GOLGA3: variants seen among roughly 807,000 people sequenced by gnomAD.
GOLGA3 encodes the protein golgin subfamily A member 3.
A neutral mutation model predicts 169.4 loss-of-function variants in GOLGA3; 75 were observed. That is an observed-to-expected ratio of 0.44 (90% CI 0.37 to 0.54). The LOEUF (loss-of-function observed/expected upper bound fraction) is 0.54, where lower values mean the gene tolerates loss of function less well. GOLGA3 is among the 20% of genes least tolerant of loss of function. The pLI is 0.00. For synonymous variants in GOLGA3, 824 were observed against 822.4 expected (o/e 1.00, Z -0.03); for missense variants, 1,899 against 1,930.0 (o/e 0.98, Z 0.30).
At chr12:132,790,073 T>C (rs944573338) in intron 12 of GOLGA3, among the ~76,000 whole-genome samples, 18 of 152,174 alleles carry the variant, frequency 1.2e-4, no homozygotes, top group African/African-American at 4.1e-4. Flanking sequence ...GGCTCATGCC[T>C]GTAATCCCAG....
chr12:132,795,914 T>G lies in GOLGA3; in HGVS notation c.2407A>C (p.Thr803Pro), dbSNP rs761409306. 6.2e-7 allele frequency: 1 copy of G among 1,614,060 alleles called. No homozygotes were observed. The highest frequency in any genetic ancestry group is 1.3e-5 in the African/African-American group (1 of 74,942). The part of the protein sequence containing the change: ...DRGARRLEEG[T>P]EETSETLEKL... The stretch of plus-strand genomic sequence containing the variant: ...TCTAAAGTTTCCGACGTTTCCTCGG[T>G]ACCTTCTTCCAAGCGTCTTGCTCCT... The change falls in exon 11 of 24, where the codon ACC becomes CCC. Residue 803 changes from threonine to proline, a missense_variant. Transcript: ENST00000450791.
chr12:132,823,642 C>T (rs909455424), intron 1 of GOLGA3, among the ~76,000 whole-genome samples: 7 of 151,936 alleles, frequency 4.6e-5, no homozygotes, highest in African/African-American at 9.7e-5. Flanking sequence ...AAAAAACTAG[C>T]CAGGCGTGGT....
At chr12:132,822,847 G>A (rs370130096) in intron 1 of GOLGA3, among the ~76,000 whole-genome samples, 3 of 152,118 alleles carry the variant, frequency 2.0e-5, no homozygotes, top group Non-Finnish European at 2.9e-5. Context: ...ACTTGAAACC[G>A]GGAGGCGGAG....
At chr12:132,806,562 C>T (rs950505031) in intron 6 of GOLGA3, among the ~76,000 whole-genome samples, 11 of 152,248 alleles carry the variant, frequency 7.2e-5, no homozygotes, top group Admixed American at 3.9e-4. Context: ...TCTGCGGCCT[C>T]GCAGGCCACA....
chr12:132,821,962 T>C lies in GOLGA3; in HGVS notation c.133+34A>G, dbSNP rs201098793. 1.5e-5 allele frequency: 22 copies of C among 1,477,110 alleles called. 3 individuals are homozygous for C. The South Asian group carries it at 2.4e-4, about 16-fold the overall frequency. The allele number at this position is 1,477,110 out of a possible 1,614,324, so 91.5% of individuals were successfully genotyped here. On this transcript the variant is annotated intron_variant, in intron 2 of 23. Coordinates refer to ENST00000450791, the MANE Select transcript of GOLGA3 (RefSeq NM_001389683.1). Reference sequence around the variant, plus strand: ...GTCCTCCCTCAACACCAGGTCCTCCTGTGACCAGCACACAGAGGAACCTCA... The same window carrying C: ...GTCCTCCCTCAACACCAGGTCCTCCCGTGACCAGCACACAGAGGAACCTCA...
intron 4 of GOLGA3, among the ~76,000 whole-genome samples, chr12:132,812,216 T>C (rs2316847): frequency 0.36 from 18,552 of 51,488 alleles, 1,368 homozygotes; most frequent in South Asian, 0.43. Context: ...CACACACATA[T>C]ATATATATAT....
chr12:132,826,286 C>T (rs982927425), intron 1 of GOLGA3: 9 of 965,232 alleles, frequency 9.3e-6, no homozygotes, highest in African/African-American at 6.7e-5. Flanking sequence ...ATCACGGCCA[C>T]GGCCCAGACA....
chr12:132,788,113 G>A (rs1165438338), intron 13 of GOLGA3, among the ~76,000 whole-genome samples: 2 of 151,796 alleles, frequency 1.3e-5, no homozygotes, highest in African/African-American at 4.8e-5. Context: ...ACAGTCCAAA[G>A]AGCCGGCCCT....
intron 1 of GOLGA3, chr12:132,827,662 T>G (rs1950479231): frequency 6.6e-6 from 1 of 152,208 alleles, no homozygotes; most frequent in South Asian, 2.1e-4. Context: ...TCCTCTTCAA[T>G]CTGAGTGATG....
In GOLGA3 at chr12:132,777,147, C is replaced by G; in HGVS notation, c.3723-57G>C. 2 of 1,526,146 alleles carry G rather than the reference C, an allele frequency of 1.3e-6. No individual in the cohort carries two copies. Among genetic ancestry groups the G allele is most frequent in the Non-Finnish European group, 1.8e-6 (2 of 1,137,198 alleles). 94.5% of individuals were successfully genotyped at this position (1,526,146 alleles called of 1,614,324 possible). ...GCCACGCTCCTCCAGTGTGCTGTGCCCTCCCGCTGGGAAATGCTGCCTGTG... is the reference window on the plus strand; with the variant it reads ...GCCACGCTCCTCCAGTGTGCTGTGCGCTCCCGCTGGGAAATGCTGCCTGTG... On this transcript the variant is annotated intron_variant, in intron 19 of 23. Coordinates refer to ENST00000450791, the MANE Select transcript of GOLGA3 (RefSeq NM_001389683.1). The surrounding 1 kb of genome is among the most constrained non-coding windows in gnomAD (Gnocchi z 4.7).
chr12:132,821,625 C>T (rs371525132), intron 2 of GOLGA3, among the ~76,000 whole-genome samples: 15 of 151,898 alleles, frequency 9.9e-5, no homozygotes, highest in East Asian at 1.9e-4. Flanking sequence ...GAGGCTGAGG[C>T]GGGCGGATCA....
At chr12:132,789,392 G>A (rs2046105009) in intron 12 of GOLGA3, 102 bp from the exon 13 acceptor site, 2 of 979,630 alleles carry the variant, frequency 2.0e-6, no homozygotes, top group Non-Finnish European at 1.5e-6. Context: ...CACTTATCGG[G>A]GGCATAACTT....
Position 132,777,469 on chromosome 12 carries a change from G to T in GOLGA3, c.3722+197C>A, listed in dbSNP as rs763549791. Among the ~76,000 whole-genome samples, 3 of 152,178 alleles carry T rather than the reference G, an allele frequency of 2.0e-5. No individual in the cohort carries two copies. Among genetic ancestry groups the T allele is most frequent in the Admixed American group, 6.5e-5 (1 of 15,274 alleles). On this transcript the variant is annotated intron_variant, in intron 19 of 23. Coordinates refer to ENST00000450791, the MANE Select transcript of GOLGA3 (RefSeq NM_001389683.1). This position sits in a 1 kb window ranked among gnomAD's most constrained non-coding sequence, Gnocchi z 4.7. ...CTCCTGCTGGGGCGCTTTCTCTCTT[G>T]GGGGGAGGACACGGGGCAGTGAGTG...
intron 2 of GOLGA3, 118 bp downstream of exon 2, chr12:132,821,876 AAC>A: frequency 1.5e-6 from 1 of 653,592 alleles, no homozygotes; most frequent in Non-Finnish European, 2.5e-6. Flanking sequence ...AAAAAAAAAC[AAC>A]TTTGAATTAA....
rs767898167 is a variant in GOLGA3, at chr12:132,816,809, G to A, written c.137C>T (p.Ala46Val). The change falls in exon 3 of 24, where the codon GCC becomes GTC. Residue 46 changes from alanine (A) to valine (V), a missense_variant. Transcript: ENST00000450791. ...PPDQQDKVQC[A>V]EVNRASTEGE... The stretch of plus-strand genomic sequence containing the variant: ...TTCCGTGGATGCTCTGTTTACCTCG[G>A]CACCTGGAAAGACAGAGCACGCTGG... The A allele has an allele frequency of 2.5e-6, 4 of 1,591,186 alleles. No individual in the cohort carries two copies. In the Admixed American group the frequency reaches 5.2e-5, roughly 21 times the overall value.
In GOLGA3 at chr12:132,822,188, T is replaced by C; in HGVS notation, c.-60A>G. The C allele has an allele frequency of 6.5e-7, 1 of 1,545,978 alleles. No homozygotes were observed. Among genetic ancestry groups the C allele is most frequent in the Non-Finnish European group, 8.6e-7 (1 of 1,156,880 alleles). On this transcript the variant is annotated 5_prime_UTR_variant, in exon 2 of 24. Transcript: ENST00000450791. Reference sequence around the variant, plus strand: ...GGCTACAAGTGAACCTTGGACAAGCTTGGCTTCTGCCATCAGCAACAGCCA... The same window carrying C: ...GGCTACAAGTGAACCTTGGACAAGCCTGGCTTCTGCCATCAGCAACAGCCA...
Position 132,772,543 on chromosome 12 carries a change from C to CCAAAA in GOLGA3, c.*561_*562insTTTTG, listed in dbSNP as rs776077686. On this transcript the variant is annotated 3_prime_UTR_variant, in exon 24 of 24. Coordinates refer to ENST00000450791, the MANE Select transcript of GOLGA3 (RefSeq NM_001389683.1). ...TGGGCAACAAAGCGAGACTCTGTCT[C>CCAAAA]AAAAAAAAAAAAAAAAAAAAAACAA... The CCAAAA allele has an allele frequency of 3.2e-4, 28 of 86,162 alleles. No individual in the cohort carries two copies. Among genetic ancestry groups the CCAAAA allele is most frequent in the African/African-American group, 1.4e-3 (28 of 20,698 alleles). The allele number at this position is 86,162 out of a possible 1,614,324, so 5.3% of individuals were successfully genotyped here. A position where few individuals can be genotyped will look rare whatever the true frequency, so the allele number is the denominator to read the frequency against.
chr12:132,798,887 C>T (rs143100052), intron 8 of GOLGA3, among the ~76,000 whole-genome samples: 62 of 152,338 alleles, frequency 4.1e-4, no homozygotes, highest in African/African-American at 1.1e-3. Flanking sequence ...GCCAGACGCC[C>T]GACAGGTGCC....
At chr12:132,811,109 CTT>C (rs1949684165) in intron 4 of GOLGA3, among the ~76,000 whole-genome samples, 1 of 152,222 alleles carries the variant, frequency 6.6e-6, no homozygotes, top group African/African-American at 2.4e-5. Flanking sequence ...GACTCACACT[CTT>C]TACCCTGCCC....
Sources: gnomAD v4.1 joint callset for allele counts (sites outside exome capture counted in the v4.1 genomes callset) on GRCh38, gnomAD v4.1.1 for gene constraint, Gnocchi (gnomAD v3.1) non-coding constraint, MANE v1.5 for transcripts, NCBI Gene and HGNC (gene_info 2026-07-23, HGNC 2026-07-21) for gene names.